The following ATP8A2 variants were observed in gnomAD, a reference collection of about 807,000 sequenced individuals.
ATP8A2 encodes ATPase phospholipid transporting 8A2.
Under a neutral mutation model 165.6 loss-of-function variants are expected in ATP8A2, and 100 were observed. The ratio of observed to expected loss-of-function variants is 0.60; its 90% confidence interval spans 0.51 to 0.71. ATP8A2 has a LOEUF of 0.71. ATP8A2 is among the 30% of genes least tolerant of loss of function. ATP8A2 has a pLI of 0.00. For missense variants in ATP8A2, 1,227 were observed against 1,479.5 expected (o/e 0.83, Z 2.80); for synonymous variants, 543 against 548.8 (o/e 0.99, Z 0.15).
intron 24 of ATP8A2, among the ~76,000 whole-genome samples, chr13:25,624,670 C>T (rs2041057897): frequency 6.6e-6 from 1 of 152,086 alleles, no homozygotes; most frequent in South Asian, 2.1e-4. Flanking sequence ...ATGTGTTAAT[C>T]AAGTTAGTGA....
At chr13:25,788,151 G>T (rs2045078820) in intron 27 of ATP8A2, among the ~76,000 whole-genome samples, 1 of 152,184 alleles carries the variant, frequency 6.6e-6, no homozygotes, top group Admixed American at 6.5e-5. Context: ...ACCCATCTCA[G>T]CCTCATTATC....
At chr13:25,663,823 T>A (rs979707510) in intron 24 of ATP8A2, among the ~76,000 whole-genome samples, 1 of 152,182 alleles carries the variant, frequency 6.6e-6, no homozygotes, top group Non-Finnish European at 1.5e-5. Flanking sequence ...TTATTAACCA[T>A]AAGTGATTTA....
chr13:25,887,937 T>A (rs917846764), intron 33 of ATP8A2, among the ~76,000 whole-genome samples: 2 of 152,190 alleles, frequency 1.3e-5, no homozygotes, highest in Non-Finnish European at 2.9e-5. Flanking sequence ...GCTTATCCAA[T>A]GAATAATCTA....
At chr13:25,388,517 G>A (rs1484612668) in intron 1 of ATP8A2, among the ~76,000 whole-genome samples, 1 of 152,196 alleles carries the variant, frequency 6.6e-6, no homozygotes, top group African/African-American at 2.4e-5. Flanking sequence ...CAAGCAGGGA[G>A]TACGTGACTG....
chr13:25,464,941 T>C lies in ATP8A2; in HGVS notation c.77-4036T>C, dbSNP rs531363411. Among the ~76,000 whole-genome samples the C allele has an allele frequency of 7.2e-5, 11 of 152,358 alleles. No homozygotes were observed. The South Asian group carries it at 2.3e-3, about 32-fold the overall frequency. The stretch of plus-strand genomic sequence containing the variant: ...GGCCTTGACCTTCCACTCTCTTGTC[T>C]GCATTTCCACTTTGCAGGGTGGGGG... On this transcript the variant is annotated intron_variant, in intron 1 of 36. Transcript: ENST00000381655.
intron 2 of ATP8A2, among the ~76,000 whole-genome samples, chr13:25,529,272 C>T (rs1024225497): frequency 6.6e-6 from 1 of 152,066 alleles, no homozygotes. Flanking sequence ...TTAATTTTGC[C>T]TTTGGGTTAT....
At chr13:25,583,117 T>C (rs998165807) in intron 23 of ATP8A2, among the ~76,000 whole-genome samples, 4 of 152,184 alleles carry the variant, frequency 2.6e-5, no homozygotes, top group African/African-American at 9.7e-5. Context: ...TACTAGAAAA[T>C]ACAAACCCAA....
At chr13:25,673,319 C>T (rs149516308) in intron 24 of ATP8A2, among the ~76,000 whole-genome samples, 13 of 152,244 alleles carry the variant, frequency 8.5e-5, no homozygotes, top group East Asian at 5.8e-4. Flanking sequence ...TCTTGTTTAA[C>T]GCCACAGAAA....
At chr13:25,772,194 C>A (rs1009466794) in intron 26 of ATP8A2, among the ~76,000 whole-genome samples, 1 of 152,156 alleles carries the variant, frequency 6.6e-6, no homozygotes, top group African/African-American at 2.4e-5. Flanking sequence ...CCTTGGCTTT[C>A]CATTCTCCTC....
chr13:25,579,712 A>AT, intron 21 of ATP8A2, 96 bp from the exon 22 acceptor site: 8 of 1,442,342 alleles, frequency 5.5e-6, no homozygotes, highest in East Asian at 2.3e-5. Flanking sequence ...AGTCTCTTCA[A>AT]TTTTTTTGGG....
At chr13:25,981,840 G>A (rs891489903) in intron 35 of ATP8A2, among the ~76,000 whole-genome samples, 3 of 151,948 alleles carry the variant, frequency 2.0e-5, no homozygotes, top group African/African-American at 7.2e-5. Context: ...GAGAGAGTAA[G>A]GCACATTTAA....
At chr13:25,794,255 A>T (rs1378897486) in intron 27 of ATP8A2, among the ~76,000 whole-genome samples, 2 of 152,218 alleles carry the variant, frequency 1.3e-5, no homozygotes, top group Non-Finnish European at 2.9e-5. Context: ...TACTTACCAA[A>T]TACTAGAAAC....
chr13:25,893,008 T>A (rs1040337090), intron 33 of ATP8A2, among the ~76,000 whole-genome samples: 10 of 152,116 alleles, frequency 6.6e-5, no homozygotes, highest in African/African-American at 2.4e-4. Context: ...TGTTGTAGCG[T>A]AAGTCCAGAG....
chr13:25,497,819 G>A (rs1423402143), intron 2 of ATP8A2, among the ~76,000 whole-genome samples: 1 of 151,982 alleles, frequency 6.6e-6, no homozygotes, highest in African/African-American at 2.4e-5. Flanking sequence ...AAAATTAGCT[G>A]GGTGTGGGGG....
At chr13:25,395,399 C>T (rs1189866141) in intron 1 of ATP8A2, among the ~76,000 whole-genome samples, 1 of 152,034 alleles carries the variant, frequency 6.6e-6, no homozygotes, top group Non-Finnish European at 1.5e-5. Context: ...AAAGCTTTCC[C>T]TTCGCCCTCT....
In ATP8A2 at chr13:25,544,638, A is replaced by T. The variant is rs189184172; in HGVS notation, c.891+1236A>T. On this transcript the variant is annotated intron_variant, in intron 10 of 36. Coordinates refer to ENST00000381655, the MANE Select transcript of ATP8A2 (RefSeq NM_016529.6). ...GGGTAGAGAGTTTCTAGCATGGGAGACCTGGGAGTGACTCGTGTGAGTAGG... is the reference window on the plus strand; with the variant it reads ...GGGTAGAGAGTTTCTAGCATGGGAGTCCTGGGAGTGACTCGTGTGAGTAGG... Among the ~76,000 whole-genome samples, 6 of 152,184 alleles carry T rather than the reference A, an allele frequency of 3.9e-5. No individual in the cohort carries two copies. The East Asian group carries it at 9.7e-4, about 24-fold the overall frequency.
At chr13:25,374,891 A>G (rs1303809023) in intron 1 of ATP8A2, among the ~76,000 whole-genome samples, 2 of 152,244 alleles carry the variant, frequency 1.3e-5, no homozygotes, top group Non-Finnish European at 2.9e-5. Context: ...ATTATTAAAA[A>G]ATAAACTAAT....
At chr13:25,848,797 C>A (rs1419041256) in intron 30 of ATP8A2, among the ~76,000 whole-genome samples, 1 of 152,156 alleles carries the variant, frequency 6.6e-6, no homozygotes, top group Non-Finnish European at 1.5e-5. Context: ...AATAAATTTT[C>A]TCTTCATGAA....
At chr13:25,513,988 G>GAGGGGA in intron 2 of ATP8A2, among the ~76,000 whole-genome samples, 1 of 143,854 alleles carries the variant, frequency 7.0e-6, no homozygotes, top group African/African-American at 2.5e-5. Flanking sequence ...GGGAGAGGGG[G>GAGGGGA]AGGGGGAGGG....
Sources: allele counts gnomAD v4.1 joint callset (sites outside exome capture counted in the v4.1 genomes callset), GRCh38; gene constraint gnomAD v4.1.1; transcripts MANE v1.5; gene names NCBI Gene and HGNC (gene_info 2026-07-23, HGNC 2026-07-21).